DRC10: variants seen among roughly 807,000 people sequenced by gnomAD.
The protein encoded by DRC10 is IQ domain-containing protein D.
chr12:113,195,586 CCTTGCCCTTCTCCTTGCCTTTCTG>C, the DRC10 span: 122 of 1,595,992 alleles, frequency 7.6e-5, no homozygotes, highest in East Asian at 2.2e-3. Context: ...CATTTCTTGC[CCTTGCCCTTCTCCTTGCCTTTCTG>C]CTTGCCCTTC....
At chr12:113,200,597 C>T in the DRC10 span, 2 of 1,534,636 alleles carry the variant, frequency 1.3e-6, no homozygotes, top group Non-Finnish European at 1.7e-6. Flanking sequence ...AGCGCCTGCT[C>T]TGCCTCCCGG....
the DRC10 span, among the ~76,000 whole-genome samples, chr12:113,196,560 C>T: frequency 6.6e-6 from 1 of 152,240 alleles, no homozygotes; most frequent in African/African-American, 2.4e-5. Context: ...CCACAACCCT[C>T]ATGGGACCCA....
At chr12:113,209,889 G>A in the DRC10 span, among the ~76,000 whole-genome samples, 3 of 152,358 alleles carry the variant, frequency 2.0e-5, no homozygotes, top group East Asian at 3.9e-4. Flanking sequence ...ACTGTGGGAG[G>A]CCGAGGGAGG....
chr12:113,219,488 C>T, the DRC10 span, among the ~76,000 whole-genome samples: 2 of 152,128 alleles, frequency 1.3e-5, no homozygotes, highest in Admixed American at 6.6e-5. Context: ...TTTTAAATGT[C>T]TACTCAACTC....
chr12:113,209,482 A>G, the DRC10 span, among the ~76,000 whole-genome samples: 2 of 151,938 alleles, frequency 1.3e-5, no homozygotes, highest in African/African-American at 2.4e-5. Flanking sequence ...GCCTCGACCT[A>G]CTGGGCTCAA....
the DRC10 span, chr12:113,207,472 T>A: frequency 6.2e-7 from 1 of 1,613,730 alleles, no homozygotes; most frequent in Non-Finnish European, 8.5e-7. Flanking sequence ...CTCCGCCAAT[T>A]CCTTTTCAAG....
chr12:113,207,880 T>C, the DRC10 span: 4 of 1,614,158 alleles, frequency 2.5e-6, no homozygotes, highest in Non-Finnish European at 3.4e-6. Context: ...CTGGCAGAGA[T>C]CCTCATGCTC....
chr12:113,217,435 C>T, the DRC10 span, among the ~76,000 whole-genome samples: 1 of 152,132 alleles, frequency 6.6e-6, no homozygotes, highest in Non-Finnish European at 1.5e-5. Flanking sequence ...GAAGTTGCCA[C>T]ATCACTACAA....
chr12:113,210,771 A>G, the DRC10 span, among the ~76,000 whole-genome samples: 1 of 148,908 alleles, frequency 6.7e-6, no homozygotes, highest in Admixed American at 6.7e-5. Flanking sequence ...AAGTATCACC[A>G]TCTGACATCC....
At chr12:113,215,330 G>A in the DRC10 span, among the ~76,000 whole-genome samples, 1 of 152,170 alleles carries the variant, frequency 6.6e-6, no homozygotes, top group African/African-American at 2.4e-5. Flanking sequence ...GCACTGTTGA[G>A]GGAATGAAAT....
chr12:113,204,635 T>C, the DRC10 span, among the ~76,000 whole-genome samples: 1 of 152,170 alleles, frequency 6.6e-6, no homozygotes, highest in Non-Finnish European at 1.5e-5. Context: ...GTAGAAAAAG[T>C]TGGGGCCAGG....
the DRC10 span, among the ~76,000 whole-genome samples, chr12:113,217,266 A>C: frequency 6.6e-6 from 1 of 151,920 alleles, no homozygotes; most frequent in Non-Finnish European, 1.5e-5. Flanking sequence ...AACAGACAGC[A>C]CTTTACAACC....
the DRC10 span, among the ~76,000 whole-genome samples, chr12:113,211,145 G>A: frequency 2.0e-5 from 3 of 152,156 alleles, no homozygotes; most frequent in Non-Finnish European, 4.4e-5. Flanking sequence ...GCAGTGGCAC[G>A]ATCATGGCTC....
chr12:113,218,261 C>G, the DRC10 span, among the ~76,000 whole-genome samples: 1 of 152,088 alleles, frequency 6.6e-6, no homozygotes, highest in Non-Finnish European at 1.5e-5. Context: ...CTCAGCCTCC[C>G]AAGTAGCTGG....
chr12:113,207,421 A>G, the DRC10 span: 2 of 1,585,362 alleles, frequency 1.3e-6, no homozygotes, highest in Admixed American at 3.3e-5. Context: ...AATTTCAGCA[A>G]TACTATGAAA....
chr12:113,195,694 A>G, the DRC10 span: 3 of 1,613,588 alleles, frequency 1.9e-6, no homozygotes, highest in South Asian at 2.2e-5. Flanking sequence ...TAGCCCTTCC[A>G]TAGGGCCTGG....
the DRC10 span, among the ~76,000 whole-genome samples, chr12:113,206,393 C>G: frequency 6.6e-6 from 1 of 152,144 alleles, no homozygotes; most frequent in Admixed American, 6.6e-5. Flanking sequence ...GTTACTTGCT[C>G]TCTTCCTTTG....
At chr12:113,199,468 C>T in the DRC10 span, among the ~76,000 whole-genome samples, 1 of 152,164 alleles carries the variant, frequency 6.6e-6, no homozygotes, top group Non-Finnish European at 1.5e-5. Context: ...AGCTTGGGCA[C>T]CATGGGTAGG....
the DRC10 span, among the ~76,000 whole-genome samples, chr12:113,213,905 C>T: frequency 2.0e-5 from 3 of 152,244 alleles, no homozygotes; most frequent in East Asian, 5.8e-4. Context: ...GATTGCAGCA[C>T]TGCACTCCAG....
Sources: allele counts gnomAD v4.1 joint callset (sites outside exome capture counted in the v4.1 genomes callset), GRCh38; gene constraint gnomAD v4.1.1; transcripts MANE v1.5; gene names NCBI Gene and HGNC (gene_info 2026-07-23, HGNC 2026-07-21).